The following TERF2 variants were observed in gnomAD, a reference collection of about 807,000 sequenced individuals.
TERF2 encodes the protein telomeric repeat-binding factor 2.
A neutral mutation model predicts 56.1 loss-of-function variants in TERF2; 16 were observed. The ratio of observed to expected loss-of-function variants is 0.29; its 90% CI spans 0.19 to 0.43. The LOEUF is 0.43. TERF2 is among the 20% of genes least tolerant of loss of function. The pLI, the probability that TERF2 is intolerant of heterozygous loss-of-function variation, is 1.00. For synonymous variants in TERF2, 296 were observed against 282.1 expected (o/e 1.05, Z -0.50); for missense variants, 547 against 712.9 (o/e 0.77, Z 2.65).
intron 5 of TERF2, 155 bp downstream of exon 5, chr16:69,370,328 G>C (rs2013519064): frequency 2.8e-6 from 3 of 1,071,436 alleles, no homozygotes; most frequent in Non-Finnish European, 3.9e-6. Context: ...ATTGCGCCTG[G>C]CCTGCTTTTG....
chr16:69,362,457 T>C (rs936481856), intron 7 of TERF2, among the ~76,000 whole-genome samples: 1 of 152,112 alleles, frequency 6.6e-6, no homozygotes, highest in African/African-American at 2.4e-5. Flanking sequence ...CCCAAACACA[T>C]AGCATACCCA....
rs183122168 is a variant in TERF2, at chr16:69,369,445, C to T, written c.841-963G>A. On this transcript the variant is annotated intron_variant, in intron 5 of 9. Coordinates refer to ENST00000254942, the MANE Select transcript of TERF2 (RefSeq NM_005652.5). Reference sequence around the variant, plus strand: ...TCCCAAGTAGCTGGGACTACAGGCACGCGCCACCACACCTGGCTAATTTTT... The same window carrying T: ...TCCCAAGTAGCTGGGACTACAGGCATGCGCCACCACACCTGGCTAATTTTT... Among the ~76,000 whole-genome samples the T allele has an allele frequency of 3.3e-5, 5 of 152,228 alleles. No homozygotes were observed. In the South Asian group the frequency reaches 8.3e-4, roughly 25 times the overall value.
chr16:69,372,553 G>A (rs1040649498), intron 3 of TERF2, among the ~76,000 whole-genome samples, 198 bp from the exon 4 acceptor site: 14 of 152,094 alleles, frequency 9.2e-5, no homozygotes, highest in East Asian at 3.9e-4. Flanking sequence ...ACCTGACGTC[G>A]GGAGTTCGAG....
chr16:69,359,407 AG>A (rs1260318986), intron 8 of TERF2, among the ~76,000 whole-genome samples: 4 of 151,768 alleles, frequency 2.6e-5, no homozygotes. Flanking sequence ...ACATACCTAT[AG>A]TCCCAACTAC....
chr16:69,373,056 G>A (rs776831369), intron 3 of TERF2, among the ~76,000 whole-genome samples: 1 of 152,112 alleles, frequency 6.6e-6, no homozygotes, highest in South Asian at 2.1e-4. Context: ...ATGAGGGAGG[G>A]AGGATATACT....
chr16:69,384,981 T>C (rs927427495), intron 2 of TERF2, among the ~76,000 whole-genome samples: 7 of 152,148 alleles, frequency 4.6e-5, no homozygotes, highest in Non-Finnish European at 8.8e-5. Context: ...ATTCAGAATA[T>C]ACCCATCCTC....
In TERF2 at chr16:69,370,643, C is replaced by T. The variant is rs764500268; in HGVS notation, c.694-14G>A. ...ATTTCTCAGCTTCTACACAATGGAC[C>T]GATATTTGCAACATGAGAAAGTAGA... On this transcript the variant is annotated splice_polypyrimidine_tract_variant and intron_variant, in intron 4 of 9. Transcript: ENST00000254942. 6.3e-7 allele frequency: 1 copy of T among 1,588,766 alleles called. No homozygotes were observed. Among genetic ancestry groups the T allele is most frequent in the Non-Finnish European group, 8.6e-7 (1 of 1,167,032 alleles).
At chr16:69,378,571 C>T (rs527396082) in intron 3 of TERF2, among the ~76,000 whole-genome samples, 1 of 152,324 alleles carries the variant, frequency 6.6e-6, no homozygotes, top group South Asian at 2.1e-4. Context: ...TTTCTGTTCA[C>T]ACCTGGAGTG....
intron 8 of TERF2, among the ~76,000 whole-genome samples, chr16:69,358,000 G>A (rs1051000491): frequency 3.5e-5 from 5 of 143,502 alleles, no homozygotes; most frequent in South Asian, 4.5e-4. Context: ...CCGCCACCAC[G>A]CCCGGCTAAT....
chr16:69,374,238 G>C (rs2013684795), intron 3 of TERF2, among the ~76,000 whole-genome samples: 3 of 152,000 alleles, frequency 2.0e-5, no homozygotes, highest in Non-Finnish European at 4.4e-5. Flanking sequence ...ACTTGTTTAG[G>C]ACATCTGGTT....
chr16:69,356,985 G>A lies in TERF2; in HGVS notation c.1542C>T (p.Ala514=), dbSNP rs368708983. 3.7e-6 allele frequency: 6 copies of A among 1,613,852 alleles called. No homozygotes were observed. In the African/African-American group the frequency reaches 8.0e-5, roughly 22 times the overall value. The change falls in exon 10 of 10, where the codon GCC becomes GCT. Residue 514 remains alanine, a synonymous_variant. Coordinates refer to ENST00000254942, the MANE Select transcript of TERF2 (RefSeq NM_005652.5). ...VQKYGEGNWA[A]ISKNYPFVNR... ...TAACAAATGGGTAATTTTTAGAAAT[G>A]GCAGCCCAGTTTCCTTCCCCATATT...
chr16:69,374,560 C>T (rs1351667103), intron 3 of TERF2, among the ~76,000 whole-genome samples: 2 of 142,188 alleles, frequency 1.4e-5, no homozygotes, highest in African/African-American at 5.2e-5. Context: ...AATTTGAGGG[C>T]AGCAGTGAGC....
At chr16:69,384,818 A>G (rs2014130055) in intron 2 of TERF2, 108 bp from the exon 3 acceptor site, 2 of 1,035,910 alleles carry the variant, frequency 1.9e-6, no homozygotes, top group Non-Finnish European at 2.6e-6. Flanking sequence ...CAAATATGGT[A>G]AGATTTGCAT....
At chr16:69,370,430 C>G (rs777953362) in intron 5 of TERF2, 53 bp downstream of exon 5, 8 of 1,584,806 alleles carry the variant, frequency 5.0e-6, no homozygotes, top group Non-Finnish European at 6.9e-6. Context: ...ATTCTGATTC[C>G]CCGCACATCC....
In TERF2 at chr16:69,356,187, A is replaced by C. The variant is rs1245531373; in HGVS notation, c.*711T>G. 1 of 455,516 alleles carries C rather than the reference A, an allele frequency of 2.2e-6. No individual in the cohort carries two copies. Among genetic ancestry groups the C allele is most frequent in the Admixed American group, 2.4e-5 (1 of 42,442 alleles). The allele number at this position is 455,516 out of a possible 1,614,324, so 28.2% of individuals were successfully genotyped here. On this transcript the variant is annotated 3_prime_UTR_variant, in exon 10 of 10. Coordinates refer to ENST00000254942, the MANE Select transcript of TERF2 (RefSeq NM_005652.5). Reference sequence around the variant, plus strand: ...AAGGCCAGAACTTGACGTGGAACAAATTTACTCCAAATAATACTCACATTG... The same window carrying C: ...AAGGCCAGAACTTGACGTGGAACAACTTTACTCCAAATAATACTCACATTG...
rs2012893759 is a variant in TERF2 at position 69,356,269 on chromosome 16, TAGG to T, written c.*626_*628del. The T allele has an allele frequency of 1.8e-5, 8 of 441,998 alleles. No homozygotes were observed. The highest frequency in any genetic ancestry group is 1.0e-4 in the Admixed American group (4 of 38,202). The allele number at this position is 441,998 out of a possible 1,614,324, so 27.4% of individuals were successfully genotyped here. A position where few individuals can be genotyped will look rare whatever the true frequency, so the allele number is the denominator to read the frequency against. On this transcript the variant is annotated 3_prime_UTR_variant, in exon 10 of 10. Transcript: ENST00000254942. ...GCTCCTAATAGACTTCACCATTTCCTAGGAGAAGGTTCTACAGATTACCAGGGA... is the reference window on the plus strand; with the variant it reads ...GCTCCTAATAGACTTCACCATTTCCTAGAAGGTTCTACAGATTACCAGGGA...
chr16:69,366,504 T>G, intron 7 of TERF2: 1 of 349,610 alleles, frequency 2.9e-6, no homozygotes. Flanking sequence ...ACAAGACTAA[T>G]GTTTAGAAGT....
chr16:69,356,870 G>A lies in TERF2; in HGVS notation c.*28C>T, dbSNP rs961480579. The A allele has an allele frequency of 1.9e-6, 3 of 1,597,018 alleles. No homozygotes were observed. Among genetic ancestry groups the A allele is most frequent in the African/African-American group, 2.7e-5 (2 of 74,072 alleles). Reference sequence around the variant, plus strand: ...GGCTATTATTAGGAACCATGCTCCTGTGAATTCTGTGGAAATGAAAGCCTG... The same window carrying A: ...GGCTATTATTAGGAACCATGCTCCTATGAATTCTGTGGAAATGAAAGCCTG... On this transcript the variant is annotated 3_prime_UTR_variant, in exon 10 of 10. Transcript: ENST00000254942.
intron 2 of TERF2, 127 bp downstream of exon 2, chr16:69,385,264 A>C (rs1024575372): frequency 1.3e-6 from 1 of 770,134 alleles, no homozygotes; most frequent in Admixed American, 2.4e-5. Context: ...GACCCATCGT[A>C]GAATGAAAAA....
Sources: allele counts gnomAD v4.1 joint callset (sites outside exome capture counted in the v4.1 genomes callset), GRCh38; gene constraint gnomAD v4.1.1; transcripts MANE v1.5; gene names NCBI Gene and HGNC (gene_info 2026-07-23, HGNC 2026-07-21).